PREX2: variants seen among roughly 807,000 people sequenced by gnomAD.
PREX2 encodes phosphatidylinositol 3,4,5-trisphosphate-dependent Rac exchanger 2 protein.
A neutral mutation model predicts 203.2 loss-of-function variants in PREX2; 107 were observed. The ratio of observed to expected loss-of-function variants is 0.53; its 90% CI spans 0.45 to 0.62. The LOEUF is 0.62. PREX2 is among the 20% of genes least tolerant of loss of function. PREX2 has a pLI of 0.00. For missense variants in PREX2, 1,777 were observed against 1,955.9 expected (o/e 0.91, Z 1.72); for synonymous variants, 672 against 663.6 (o/e 1.01, Z -0.19).
chr8:68,226,848 G>T (rs978604837), intron 39 of PREX2, among the ~76,000 whole-genome samples: 8 of 152,204 alleles, frequency 5.3e-5, no homozygotes, highest in African/African-American at 1.9e-4. Flanking sequence ...TAAGGACAGA[G>T]AGAAGAGGTC....
intron 1 of PREX2, among the ~76,000 whole-genome samples, chr8:67,979,553 G>A (rs1447381028): frequency 6.6e-6 from 1 of 152,172 alleles, no homozygotes; most frequent in Non-Finnish European, 1.5e-5. Flanking sequence ...TTCTGGTAAA[G>A]TGTAGCTCTT....
chr8:68,104,458 C>T (rs2129612698), intron 23 of PREX2, among the ~76,000 whole-genome samples: 1 of 152,258 alleles, frequency 6.6e-6, no homozygotes, highest in Admixed American at 6.5e-5. Flanking sequence ...TGGCTCTTCC[C>T]TCTGCCAAAA....
intron 23 of PREX2, chr8:68,106,013 T>C (rs2129612742): frequency 5.0e-6 from 1 of 199,234 alleles, no homozygotes; most frequent in East Asian, 1.7e-4. Flanking sequence ...ATAGCAATAC[T>C]ATTGCATTGT....
chr8:68,100,069 TA>T (rs1345515979), intron 23 of PREX2: 1 of 660,922 alleles, frequency 1.5e-6, no homozygotes, highest in South Asian at 1.4e-5. Context: ...CTTCAAAATA[TA>T]GTAACTGAGG....
At chr8:68,017,992 C>A in intron 2 of PREX2, 75 bp downstream of exon 2, 3 of 1,023,074 alleles carry the variant, frequency 2.9e-6, no homozygotes, top group South Asian at 1.4e-5. Context: ...CATGGTACTT[C>A]ACAGCCCTTC....
chr8:68,040,315 C>G (rs994549384), intron 7 of PREX2, among the ~76,000 whole-genome samples: 1 of 152,094 alleles, frequency 6.6e-6, no homozygotes, highest in African/African-American at 2.4e-5. Flanking sequence ...CGTGAGCCAC[C>G]GTGCTTGGCC....
intron 1 of PREX2, among the ~76,000 whole-genome samples, chr8:67,988,884 C>T (rs1338678012): frequency 1.1e-4 from 16 of 152,152 alleles, no homozygotes; most frequent in African/African-American, 3.4e-4. Context: ...GCAGCATGGC[C>T]GTAGTGATCC....
chr8:68,061,745 G>T (rs1808862418), intron 11 of PREX2, among the ~76,000 whole-genome samples: 1 of 152,190 alleles, frequency 6.6e-6, no homozygotes, highest in Non-Finnish European at 1.5e-5. Context: ...AGGCCAGCCA[G>T]TGGGGAGTGG....
At chr8:68,120,420 T>G (rs1585810083) in intron 29 of PREX2, 134 bp downstream of exon 29, 1 of 603,640 alleles carries the variant, frequency 1.7e-6, no homozygotes, top group East Asian at 2.8e-5. Context: ...CAAACACTAC[T>G]TCTATTCTGA....
intron 9 of PREX2, among the ~76,000 whole-genome samples, chr8:68,054,710 C>A (rs1269782390): frequency 6.6e-6 from 1 of 152,172 alleles, no homozygotes; most frequent in African/African-American, 2.4e-5. Flanking sequence ...TTTTACACTG[C>A]CGATTTGTTC....
intron 30 of PREX2, among the ~76,000 whole-genome samples, chr8:68,122,748 A>G (rs145194292): frequency 5.4e-4 from 82 of 152,142 alleles, no homozygotes; most frequent in African/African-American, 1.8e-3. Context: ...CTTCTGCGTT[A>G]ATTTTACTAT....
chr8:68,133,785 A>G (rs1811054430), intron 31 of PREX2, among the ~76,000 whole-genome samples: 1 of 152,196 alleles, frequency 6.6e-6, no homozygotes, highest in African/African-American at 2.4e-5. Context: ...TCTCCCTCAG[A>G]TTTTATCAAA....
At chr8:68,039,466 C>T (rs906515976) in intron 7 of PREX2, among the ~76,000 whole-genome samples, 3 of 152,018 alleles carry the variant, frequency 2.0e-5, no homozygotes, top group African/African-American at 7.2e-5. Flanking sequence ...CTCGTTTTCC[C>T]TCTTCATATT....
At chr8:68,189,180 A>C (rs1812247188) in intron 35 of PREX2, among the ~76,000 whole-genome samples, 1 of 152,356 alleles carries the variant, frequency 6.6e-6, no homozygotes, top group Non-Finnish European at 1.5e-5. Context: ...ATCCTACATA[A>C]GTACCTGTAC....
rs185340837 is a variant in PREX2 at position 67,977,089 on chromosome 8, C to T, written c.141+24554C>T. 2.0e-4 allele frequency among the ~76,000 whole-genome samples: 30 copies of T among 152,246 alleles called. No individual in the cohort carries two copies. The East Asian group carries it at 3.9e-3, about 20-fold the overall frequency. ...AATGTATATGTTGAAATTCTAACCC[C>T]GCAATGTGATGGGATTAGGAGATGT... On this transcript the variant is annotated intron_variant, in intron 1 of 39. Coordinates refer to ENST00000288368, the MANE Select transcript of PREX2 (RefSeq NM_024870.4).
chr8:68,077,047 G>A (rs1809373348), intron 14 of PREX2, among the ~76,000 whole-genome samples: 1 of 152,042 alleles, frequency 6.6e-6, no homozygotes, highest in Admixed American at 6.5e-5. Flanking sequence ...CAATTTACAG[G>A]ATATTTCCCT....
In PREX2 at chr8:67,989,552, A is replaced by G. The variant is rs545631967; in HGVS notation, c.142-28294A>G. On this transcript the variant is annotated intron_variant, in intron 1 of 39. Coordinates refer to ENST00000288368, the MANE Select transcript of PREX2 (RefSeq NM_024870.4). ...GTTTAGCCAAATTAGCCGAGATTAC[A>G]TATATGTAGTGTTTTTTAATAATGT... 3.9e-5 allele frequency among the ~76,000 whole-genome samples: 6 copies of G among 152,326 alleles called. No individual in the cohort carries two copies. In the East Asian group the frequency reaches 7.7e-4, roughly 20 times the overall value.
At chr8:68,226,848 G>C (rs978604837) in intron 39 of PREX2, among the ~76,000 whole-genome samples, 1 of 152,204 alleles carries the variant, frequency 6.6e-6, no homozygotes, top group Non-Finnish European at 1.5e-5. Flanking sequence ...TAAGGACAGA[G>C]AGAAGAGGTC....
chr8:68,027,279 G>A lies in PREX2; in HGVS notation c.499G>A (p.Val167Ile), dbSNP rs750075942. The change falls in exon 5 of 40, where the codon GTA becomes ATA. Residue 167 changes from valine to isoleucine, a missense_variant. Coordinates refer to ENST00000288368, the MANE Select transcript of PREX2 (RefSeq NM_024870.4). The part of the protein sequence containing the change: ...NTDVPLEGYL[V>I]TPIQRICKYP... ...AGATGTTCCCTTGGAAGGATATTTA[G>A]TAACACCAATACAAAGAATATGCAA... The A allele has an allele frequency of 9.3e-6, 15 of 1,611,884 alleles. No homozygotes were observed. The highest frequency in any genetic ancestry group is 1.2e-5 in the Non-Finnish European group (14 of 1,178,388).
Sources: allele counts gnomAD v4.1 joint callset (sites outside exome capture counted in the v4.1 genomes callset), GRCh38; gene constraint gnomAD v4.1.1; transcripts MANE v1.5; gene names NCBI Gene and HGNC (gene_info 2026-07-23, HGNC 2026-07-21).